The following STRBP variants were observed in gnomAD, a reference collection of about 807,000 sequenced individuals.
STRBP encodes spermatid perinuclear RNA-binding protein.
Under a neutral mutation model 80.1 loss-of-function variants are expected in STRBP, and 13 were observed. The observed-to-expected ratio is 0.16, with a 90% CI of 0.11 to 0.26. STRBP has a LOEUF of 0.26. STRBP is among the 10% of genes least tolerant of loss of function. STRBP has a pLI of 1.00. For missense variants in STRBP, 485 were observed against 815.2 expected (o/e 0.59, Z 4.93); for synonymous variants, 284 against 291.2 (o/e 0.98, Z 0.25).
intron 1 of STRBP, among the ~76,000 whole-genome samples, chr9:123,247,682 A>G (rs1334336969): frequency 1.3e-5 from 2 of 152,246 alleles, no homozygotes; most frequent in East Asian, 3.8e-4. Flanking sequence ...AAACTGCTGT[A>G]AGGATCTAAA....
intron 13 of STRBP, among the ~76,000 whole-genome samples, chr9:123,141,231 C>T (rs1447277073): frequency 6.6e-6 from 1 of 152,134 alleles, no homozygotes; most frequent in Non-Finnish European, 1.5e-5. Flanking sequence ...ACCAAAAAAT[C>T]GACCTACATA....
At chr9:123,258,756 G>A (rs981374179) in intron 1 of STRBP, among the ~76,000 whole-genome samples, 3 of 149,896 alleles carry the variant, frequency 2.0e-5, no homozygotes, top group East Asian at 2.0e-4. Flanking sequence ...AGCCAAGATC[G>A]GGCCACTGCA....
intron 6 of STRBP, among the ~76,000 whole-genome samples, chr9:123,167,851 A>C (rs1206005122): frequency 6.6e-6 from 1 of 152,174 alleles, no homozygotes; most frequent in African/African-American, 2.4e-5. Context: ...GCAAGAGTAC[A>C]ATATACTAAG....
In STRBP at chr9:123,236,419, T is replaced by C. The variant is rs116694555; in HGVS notation, c.-165+411A>G. Among the ~76,000 whole-genome samples the C allele has an allele frequency of 3.6e-3, 552 of 152,282 alleles. 4 individuals carry two copies. The highest frequency in any genetic ancestry group is 0.013 in the African/African-American group (542 of 41,560). ...GAGTAAAATCTCTGCTACCCGGTAT[T>C]ACATAAACTGACATATCTAAAACAT... On this transcript the variant is annotated intron_variant, in intron 2 of 18. Transcript: ENST00000348403.
At chr9:123,151,973 TAA>T (rs2037075733) in intron 11 of STRBP, among the ~76,000 whole-genome samples, 1 of 152,086 alleles carries the variant, frequency 6.6e-6, no homozygotes, top group African/African-American at 2.4e-5. Flanking sequence ...ACAAAATGTA[TAA>T]AAGAGGACAT....
chr9:123,138,608 T>C (rs2036460015), intron 14 of STRBP, among the ~76,000 whole-genome samples: 1 of 152,236 alleles, frequency 6.6e-6, no homozygotes, highest in Non-Finnish European at 1.5e-5. Context: ...AAGTTATGTC[T>C]AAGAGTCTCA....
intron 11 of STRBP, among the ~76,000 whole-genome samples, chr9:123,150,933 A>G (rs927053059): frequency 6.6e-5 from 10 of 152,222 alleles, no homozygotes; most frequent in African/African-American, 2.4e-4. Flanking sequence ...AAATGATCTA[A>G]GACTGCCAAT....
At chr9:123,152,237 T>G (rs1192022376) in intron 11 of STRBP, among the ~76,000 whole-genome samples, 1 of 152,092 alleles carries the variant, frequency 6.6e-6, no homozygotes, top group Non-Finnish European at 1.5e-5. Flanking sequence ...ACATCAAATT[T>G]ATGCAAACTT....
chr9:123,197,286 T>C (rs767857830), intron 2 of STRBP, among the ~76,000 whole-genome samples: 8 of 152,108 alleles, frequency 5.3e-5, no homozygotes, highest in Non-Finnish European at 1.0e-4. Flanking sequence ...ACAAAAAACA[T>C]AGTTAAATAG....
At chr9:123,162,994 A>T (rs2037590003) in intron 6 of STRBP, among the ~76,000 whole-genome samples, 1 of 152,242 alleles carries the variant, frequency 6.6e-6, no homozygotes, top group African/African-American at 2.4e-5. Context: ...TTCTCTTAAA[A>T]GTTAGACGTA....
chr9:123,161,148 A>T, intron 6 of STRBP, 80 bp from the exon 7 acceptor site: 1 of 1,116,036 alleles, frequency 9.0e-7, no homozygotes, highest in South Asian at 1.5e-5. Flanking sequence ...AATAAAAAAT[A>T]AAAAGAATAA....
rs564940939 is a variant in STRBP at position 123,247,404 on chromosome 9, A to G, written c.-301-10438T>C. 3.3e-5 allele frequency among the ~76,000 whole-genome samples: 5 copies of G among 152,216 alleles called. No individual in the cohort carries two copies. In the South Asian group the frequency reaches 1.0e-3, roughly 32 times the overall value. On this transcript the variant is annotated intron_variant, in intron 1 of 18. Transcript: ENST00000348403. ...TGCCTCAGCCTCCTGAGTAGCTGGGATTACAGGCTCCCGCCACCCCATCTG... is the reference window on the plus strand; with the variant it reads ...TGCCTCAGCCTCCTGAGTAGCTGGGGTTACAGGCTCCCGCCACCCCATCTG...
At chr9:123,256,898 CTT>C (rs754149758) in intron 1 of STRBP, among the ~76,000 whole-genome samples, 42 of 134,128 alleles carry the variant, frequency 3.1e-4, no homozygotes, top group Admixed American at 3.0e-4. Flanking sequence ...AGCCAGGAAT[CTT>C]TTTTTTTTTT....
At chr9:123,222,132 C>T (rs1407832706) in intron 2 of STRBP, among the ~76,000 whole-genome samples, 2 of 151,852 alleles carry the variant, frequency 1.3e-5, no homozygotes, top group African/African-American at 2.4e-5. Flanking sequence ...CCCCTCTCCT[C>T]GCTCTTTCCT....
rs199941196 is a variant in STRBP at position 123,132,835 on chromosome 9, T to C, written c.1897+10A>G. On this transcript the variant is annotated intron_variant, in intron 17 of 18. Transcript: ENST00000348403. The stretch of plus-strand genomic sequence containing the variant: ...TAAAGGGGGCCAATCTCTTGCAGTT[T>C]GTACTATACCTGGAGCTATGTAGCC... 2.6e-3 allele frequency: 4,203 copies of C among 1,613,428 alleles called. 9 individuals carry two copies. Among genetic ancestry groups the C allele is most frequent in the Non-Finnish European group, 3.2e-3 (3,796 of 1,179,736 alleles).
chr9:123,158,263 G>T (rs1346411841), intron 10 of STRBP, 69 bp downstream of exon 10: 2 of 1,564,184 alleles, frequency 1.3e-6, no homozygotes, highest in Admixed American at 1.7e-5. Flanking sequence ...AAAAGTGTTT[G>T]AACACAATTG....
intron 2 of STRBP, among the ~76,000 whole-genome samples, chr9:123,203,963 C>T (rs1283454316): frequency 6.7e-6 from 1 of 150,060 alleles, no homozygotes; most frequent in East Asian, 2.0e-4. Flanking sequence ...CAGAGCAAGA[C>T]TCTGTCTCAA....
chr9:123,180,269 G>C (rs1360119328), intron 3 of STRBP, among the ~76,000 whole-genome samples: 1 of 152,002 alleles, frequency 6.6e-6, no homozygotes, highest in African/African-American at 2.4e-5. Flanking sequence ...TTAAATTTTA[G>C]AATTTAGGAT....
chr9:123,220,926 T>C (rs2040047017), intron 2 of STRBP, among the ~76,000 whole-genome samples: 1 of 152,146 alleles, frequency 6.6e-6, no homozygotes, highest in Non-Finnish European at 1.5e-5. Flanking sequence ...CCAAAATTTA[T>C]ATTATTTCCA....
Sources: allele counts gnomAD v4.1 joint callset (sites outside exome capture counted in the v4.1 genomes callset), GRCh38; gene constraint gnomAD v4.1.1; transcripts MANE v1.5; gene names NCBI Gene and HGNC (gene_info 2026-07-23, HGNC 2026-07-21).